LDLRAD4: variants seen among roughly 807,000 people sequenced by gnomAD.
LDLRAD4 encodes the protein low density lipoprotein receptor class A domain containing 4.
LDLRAD4 carries 5 observed loss-of-function variants against 17.0 expected under a neutral mutation model. The observed-to-expected ratio is 0.29, with a 90% CI of 0.15 to 0.62. The LOEUF (loss-of-function observed/expected upper bound fraction) is 0.62, where lower values mean the gene tolerates loss of function less well. LDLRAD4 is among the 20% of genes least tolerant of loss of function. LDLRAD4 has a pLI of 0.84. For synonymous variants in LDLRAD4, 168 were observed against 171.8 expected (o/e 0.98, Z 0.17); for missense variants, 340 against 424.7 (o/e 0.80, Z 1.75).
chr18:13,225,600 G>A (rs2041741658), intron 1 of LDLRAD4, among the ~76,000 whole-genome samples: 1 of 152,164 alleles, frequency 6.6e-6, no homozygotes, highest in Non-Finnish European at 1.5e-5. Flanking sequence ...GGCCTGTCTT[G>A]GGGTAGCTGC....
chr18:13,281,411 C>CAAAACA (rs926054126), intron 1 of LDLRAD4, among the ~76,000 whole-genome samples: 9 of 152,110 alleles, frequency 5.9e-5, no homozygotes, highest in African/African-American at 1.7e-4. Context: ...CCACCCCCCT[C>CAAAACA]AAAACAAAAA....
chr18:13,238,605 G>T (rs1254944347), intron 1 of LDLRAD4, among the ~76,000 whole-genome samples: 1 of 152,238 alleles, frequency 6.6e-6, no homozygotes, highest in Non-Finnish European at 1.5e-5. Context: ...GTGGTGTGGT[G>T]CAGGCCAGAG....
chr18:13,256,768 T>C (rs2043527023), intron 1 of LDLRAD4, among the ~76,000 whole-genome samples: 1 of 152,146 alleles, frequency 6.6e-6, no homozygotes, highest in African/African-American at 2.4e-5. Context: ...GAGCCTCTCT[T>C]TCCTAAGGAA....
chr18:13,578,587 G>T (rs2094807136), intron 3 of LDLRAD4, among the ~76,000 whole-genome samples: 1 of 152,200 alleles, frequency 6.6e-6, no homozygotes, highest in African/African-American at 2.4e-5. Context: ...GCGGAAGAAG[G>T]CGTGCCCACC....
At chr18:13,596,544 T>C (rs1167757010) in intron 3 of LDLRAD4, among the ~76,000 whole-genome samples, 4 of 152,198 alleles carry the variant, frequency 2.6e-5, no homozygotes, top group African/African-American at 9.7e-5. Context: ...GTGTGAGATA[T>C]ATACATAATT....
At chr18:13,532,462 G>A (rs1032736668) in intron 3 of LDLRAD4, among the ~76,000 whole-genome samples, 1 of 152,202 alleles carries the variant, frequency 6.6e-6, no homozygotes, top group Admixed American at 6.5e-5. Context: ...ACAAGCGACC[G>A]CGTAGTTGGG....
At chr18:13,652,675 T>C (rs2043297106) in exon 6 of LDLRAD4, 1 of 152,696 alleles carries the variant, frequency 6.5e-6, no homozygotes, top group South Asian at 2.1e-4. Context: ...TTGTTAGTTA[T>C]GAAATCAGAT....
At chr18:13,233,098 C>T (rs2042162786) in intron 1 of LDLRAD4, among the ~76,000 whole-genome samples, 1 of 152,242 alleles carries the variant, frequency 6.6e-6, no homozygotes, top group South Asian at 2.1e-4. Flanking sequence ...ACACACAGTG[C>T]GTTAGGGATG....
intron 1 of LDLRAD4, among the ~76,000 whole-genome samples, chr18:13,345,506 G>A (rs1225505367): frequency 2.0e-5 from 3 of 152,140 alleles, no homozygotes; most frequent in Non-Finnish European, 4.4e-5. Flanking sequence ...GAGGATTTTT[G>A]CATTGATGTT....
At chr18:13,319,668 A>C (rs1471215886) in intron 1 of LDLRAD4, among the ~76,000 whole-genome samples, 1 of 152,174 alleles carries the variant, frequency 6.6e-6, no homozygotes. Context: ...TTCTCCTTTT[A>C]AATAAACTTA....
At chr18:13,439,111 C>T (rs1157029604) in intron 3 of LDLRAD4, among the ~76,000 whole-genome samples, 2 of 151,982 alleles carry the variant, frequency 1.3e-5, no homozygotes, top group Non-Finnish European at 2.9e-5. Flanking sequence ...GTTGGCCGGG[C>T]CGACCCTCCT....
intron 3 of LDLRAD4, among the ~76,000 whole-genome samples, chr18:13,582,482 C>T (rs1329772345): frequency 6.6e-6 from 1 of 152,160 alleles, no homozygotes; most frequent in East Asian, 1.9e-4. Context: ...CCGCTAAGGC[C>T]CCCAGCCGAG....
At chr18:13,513,376 G>A (rs2093812741) in intron 3 of LDLRAD4, among the ~76,000 whole-genome samples, 1 of 152,208 alleles carries the variant, frequency 6.6e-6, no homozygotes, top group Admixed American at 6.5e-5. Context: ...AACCACTGTG[G>A]GCTAAACACA....
At chr18:13,317,875 T>C (rs2081012223) in intron 1 of LDLRAD4, among the ~76,000 whole-genome samples, 1 of 152,194 alleles carries the variant, frequency 6.6e-6, no homozygotes, top group African/African-American at 2.4e-5. Context: ...ATAATAAAAA[T>C]AAAAGCCATT....
intron 3 of LDLRAD4, among the ~76,000 whole-genome samples, chr18:13,533,138 A>T (rs1213483484): frequency 6.6e-6 from 1 of 152,198 alleles, no homozygotes; most frequent in East Asian, 1.9e-4. Context: ...CGACCAATAG[A>T]CAAGGTCCCT....
chr18:13,220,507 G>A (rs1241039662), intron 1 of LDLRAD4, among the ~76,000 whole-genome samples: 1 of 152,198 alleles, frequency 6.6e-6, no homozygotes, highest in African/African-American at 2.4e-5. Context: ...TGCTTATTAA[G>A]GGATTTTGTG....
chr18:13,276,298 G>A (rs372412294), upstream of LDLRAD4, among the ~76,000 whole-genome samples: 12 of 152,250 alleles, frequency 7.9e-5, no homozygotes, highest in East Asian at 5.8e-4. Flanking sequence ...ATGAGCCACC[G>A]TACCTGGCCT....
chr18:13,392,362 C>T (rs1256055273), intron 2 of LDLRAD4, among the ~76,000 whole-genome samples: 1 of 152,242 alleles, frequency 6.6e-6, no homozygotes, highest in Non-Finnish European at 1.5e-5. Context: ...ACACAGATGT[C>T]CTAAACTTAC....
intron 3 of LDLRAD4, among the ~76,000 whole-genome samples, chr18:13,588,520 A>C (rs1331356265): frequency 6.6e-6 from 1 of 152,176 alleles, no homozygotes; most frequent in Non-Finnish European, 1.5e-5. Context: ...ATATGTGATC[A>C]AAACGATTCA....
Sources: allele counts gnomAD v4.1 joint callset (sites outside exome capture counted in the v4.1 genomes callset), GRCh38; gene constraint gnomAD v4.1.1; transcripts MANE v1.5; gene names NCBI Gene and HGNC (gene_info 2026-07-23, HGNC 2026-07-21).